TBX19: variants seen among roughly 807,000 people sequenced by gnomAD.
TBX19 encodes the protein T-box transcription factor TBX19.
Under a neutral mutation model 40.9 loss-of-function variants are expected in TBX19, and 33 were observed. The ratio of observed to expected loss-of-function variants is 0.81; its 90% CI spans 0.61 to 1.08. TBX19 has a LOEUF of 1.08. TBX19 is among the 50% of genes least tolerant of loss of function. The pLI is 0.00. For missense variants in TBX19, 494 were observed against 574.0 expected (o/e 0.86, Z 1.42); for synonymous variants, 220 against 225.0 (o/e 0.98, Z 0.20).
intron 1 of TBX19, among the ~76,000 whole-genome samples, chr1:168,283,805 C>T (rs1648734220): frequency 6.6e-6 from 1 of 152,142 alleles, no homozygotes; most frequent in African/African-American, 2.4e-5. Flanking sequence ...TTGACATTGT[C>T]ACCTTGACTT....
Position 168,312,998 on chromosome 1 carries a change from G to T in TBX19, c.1343G>T (p.Gly448Val), listed in dbSNP as rs768564672. 28 of 1,614,048 alleles carry T rather than the reference G, an allele frequency of 1.7e-5. No individual in the cohort carries two copies. Among genetic ancestry groups the T allele is most frequent in the Non-Finnish European group, 2.2e-5 (26 of 1,180,036 alleles). ...GGHHSPSSLD[G>V] ...CACCATTCTCCTTCCTCACTGGATG[G>T]TTAAGCAGGATCCTAGGAGCCTCTT... The change falls in exon 8 of 8, where the codon GGT (glycine) becomes GTT (valine). Residue 448 changes from glycine to valine, a missense_variant. Gly to Val is a moderately radical substitution (Grantham distance 109). Around this residue, in one of 3 missense-constraint regions of TBX19, gnomAD observed 284 missense variants for 307.3 expected, o/e 0.92. Transcript: ENST00000367821.
At chr1:168,290,111 C>T (rs946100972) in intron 1 of TBX19, among the ~76,000 whole-genome samples, 1 of 151,970 alleles carries the variant, frequency 6.6e-6, no homozygotes, top group African/African-American at 2.4e-5. Flanking sequence ...GCAGGAGAAT[C>T]ACTTGAACCC....
At chr1:168,310,997 A>C (rs1558196059) in intron 7 of TBX19, among the ~76,000 whole-genome samples, 1 of 151,406 alleles carries the variant, frequency 6.6e-6, no homozygotes, top group Admixed American at 6.6e-5. Context: ...ATTTTTTTCT[A>C]AATGTGGCTA....
chr1:168,303,540 C>T (rs994077145), intron 5 of TBX19, among the ~76,000 whole-genome samples: 1 of 152,098 alleles, frequency 6.6e-6, no homozygotes, highest in Non-Finnish European at 1.5e-5. Context: ...GGTTCTTGGA[C>T]CTCATGCAAG....
intron 3 of TBX19, among the ~76,000 whole-genome samples, chr1:168,294,754 G>T (rs1649057919): frequency 6.6e-6 from 1 of 152,136 alleles, no homozygotes; most frequent in Middle Eastern, 3.4e-3. Flanking sequence ...CATCCACCTC[G>T]GCTTCCCAAA....
chr1:168,285,162 GT>G (rs1479950289), intron 1 of TBX19, among the ~76,000 whole-genome samples: 1 of 151,630 alleles, frequency 6.6e-6, no homozygotes, highest in Non-Finnish European at 1.5e-5. Flanking sequence ...TAATGCTGTT[GT>G]TTTTTTCCCT....
intron 6 of TBX19, chr1:168,308,447 TAGAC>T: frequency 4.9e-6 from 2 of 408,936 alleles, no homozygotes; most frequent in South Asian, 2.1e-5. Flanking sequence ...TGAAATGAGT[TAGAC>T]AGATCGGTGT....
chr1:168,294,436 C>G (rs1045087786), intron 3 of TBX19, among the ~76,000 whole-genome samples: 1 of 150,508 alleles, frequency 6.6e-6, no homozygotes, highest in Non-Finnish European at 1.5e-5. Flanking sequence ...TAGGTTCAAG[C>G]GATTCTCCTG....
At chr1:168,303,676 G>T (rs750483926) in intron 5 of TBX19, among the ~76,000 whole-genome samples, 19 of 152,264 alleles carry the variant, frequency 1.2e-4, no homozygotes, top group Non-Finnish European at 2.2e-4. Flanking sequence ...TATACTTATA[G>T]TTATTTCTTG....
chr1:168,293,174 C>A lies in TBX19; in HGVS notation c.499C>A (p.Pro167Thr). ...IMLNSLHKYEPQVHIVRVGSA... is the reference protein window; with the variant it reads ...IMLNSLHKYETQVHIVRVGSA... ...GTTGAATTCTCTGCATAAATATGAA[C>A]CCCAGGTTCACATAGTGCGTGTTGG... The change falls in exon 3 of 8, where the codon CCC becomes ACC. Residue 167 changes from proline (P) to threonine (T), a missense_variant. Pro to Thr is a conservative substitution (Grantham distance 38). This residue lies in a region of TBX19 where 201 missense variants were observed against 235.2 expected (regional missense o/e 0.85). Transcript: ENST00000367821. The A allele has an allele frequency of 6.2e-7, 1 of 1,613,978 alleles. No homozygotes were observed. The highest frequency in any genetic ancestry group is 8.5e-7 in the Non-Finnish European group (1 of 1,179,958).
At chr1:168,292,954 A>T (rs1449831343) in intron 2 of TBX19, among the ~76,000 whole-genome samples, 190 bp from the exon 3 acceptor site, 1 of 146,914 alleles carries the variant, frequency 6.8e-6, no homozygotes, top group Admixed American at 6.8e-5. Flanking sequence ...TGCTTCCTGG[A>T]GCTTCTGGAA....
chr1:168,290,629 C>CA (rs1200369009), intron 1 of TBX19, among the ~76,000 whole-genome samples: 1 of 152,198 alleles, frequency 6.6e-6, no homozygotes, highest in East Asian at 1.9e-4. Context: ...CAGCTCACTG[C>CA]AGCCTCTAAC....
At chr1:168,291,722 G>A (rs1348577641) in intron 2 of TBX19, among the ~76,000 whole-genome samples, 2 of 152,108 alleles carry the variant, frequency 1.3e-5, no homozygotes, top group Non-Finnish European at 2.9e-5. Context: ...AGCTCTAGGA[G>A]GGAGATGTTT....
chr1:168,298,761 A>C lies in TBX19; in HGVS notation c.665+976A>C, dbSNP rs201979308. 5.0e-3 allele frequency among the ~76,000 whole-genome samples: 302 copies of C among 60,354 alleles called. 8 individuals carry two copies. The highest frequency in any genetic ancestry group is 0.034 in the Admixed American group (167 of 4,874). The allele number at this position is 60,354 out of a possible 152,430, so 39.6% of individuals were successfully genotyped here. On this transcript the variant is annotated intron_variant, in intron 4 of 7. Coordinates refer to ENST00000367821, the MANE Select transcript of TBX19 (RefSeq NM_005149.3). ...AGCTTTCCTTCTTCCCTTCCCTTCCATTCCCTTCCCTTCCCTTCCCTCCCT... is the reference window on the plus strand; with the variant it reads ...AGCTTTCCTTCTTCCCTTCCCTTCCCTTCCCTTCCCTTCCCTTCCCTCCCT...
chr1:168,312,347 G>T (rs186775280), intron 7 of TBX19, among the ~76,000 whole-genome samples: 26 of 152,332 alleles, frequency 1.7e-4, no homozygotes, highest in Non-Finnish European at 2.9e-4. Flanking sequence ...ATTGGCCAGG[G>T]AGAGATCATA....
chr1:168,309,031 G>T (rs1056224548), intron 7 of TBX19, among the ~76,000 whole-genome samples, 154 bp downstream of exon 7: 2 of 152,144 alleles, frequency 1.3e-5, no homozygotes, highest in African/African-American at 4.8e-5. Flanking sequence ...ACAGGGTGGA[G>T]TTCTTTCATA....
At chr1:168,304,675 C>T (rs1649357727) in intron 5 of TBX19, among the ~76,000 whole-genome samples, 1 of 152,218 alleles carries the variant, frequency 6.6e-6, no homozygotes, top group Non-Finnish European at 1.5e-5. Flanking sequence ...AGCTAAATGT[C>T]TCCCAAAGCT....
chr1:168,313,018 C>T lies in TBX19; in HGVS notation c.*16C>T. 2 of 1,613,896 alleles carry T rather than the reference C, an allele frequency of 1.2e-6. No individual in the cohort carries two copies. Among genetic ancestry groups the T allele is most frequent in the South Asian group, 1.1e-5 (1 of 91,068 alleles). ...GGATGGTTAAGCAGGATCCTAGGAG[C>T]CTCTTTGCACAGCGATCCTTCCATG... is the stretch of plus-strand genomic sequence containing the variant. On this transcript the variant is annotated 3_prime_UTR_variant, in exon 8 of 8. Coordinates refer to ENST00000367821, the MANE Select transcript of TBX19 (RefSeq NM_005149.3).
chr1:168,287,759 T>TA, intron 1 of TBX19, among the ~76,000 whole-genome samples: 1 of 152,292 alleles, frequency 6.6e-6, no homozygotes, highest in East Asian at 1.9e-4. Context: ...GAGCAGGCAC[T>TA]AAAAAACCAT....
Sources: allele counts gnomAD v4.1 joint callset (sites outside exome capture counted in the v4.1 genomes callset), GRCh38; gene constraint gnomAD v4.1.1; regional missense constraint gnomAD v4.1.1; transcripts MANE v1.5; gene names NCBI Gene and HGNC (gene_info 2026-07-23, HGNC 2026-07-21).